The following STAG2 variants were observed in gnomAD, a reference collection of about 807,000 sequenced individuals.
The protein encoded by STAG2 is cohesin subunit SA-2.
STAG2 carries 14 observed loss-of-function variants against 108.1 expected under a neutral mutation model. That is an observed-to-expected ratio of 0.13 (90% CI 0.09 to 0.20). The LOEUF is 0.20. Among genes scored for constraint, STAG2 ranks in the 10% least tolerant of loss-of-function variants. The pLI, the probability that STAG2 is intolerant of heterozygous loss-of-function variation, is 1.00. For missense variants in STAG2, 440 were observed against 940.9 expected (o/e 0.47, Z 6.96); for synonymous variants, 307 against 302.7 (o/e 1.01, Z -0.15).
In STAG2 at chrX:124,071,246, C is replaced by G. The variant is rs1394120988; in HGVS notation, c.2456C>G (p.Ser819Cys). ...MLEPLVYTPD[S>C]SLQSELLSFI... is the part of the protein sequence containing the mutation. ...GAGCCATTAGTGTATACCCCTGATT[C>G]TTCATTGCAGTCTGAGTTGCTCAGC... Residue 819 changes from serine to cysteine, a missense_variant, in exon 25 of 35, where the codon TCT becomes TGT. Around this residue, in one of 3 missense-constraint regions of STAG2, gnomAD observed 337 missense variants for 649.3 expected, o/e 0.52. Transcript: ENST00000371145. 1 of 1,202,576 alleles carries G rather than the reference C, an allele frequency of 8.3e-7. No homozygotes were observed. The highest frequency in any genetic ancestry group is 1.1e-6 in the Non-Finnish European group (1 of 892,250).
Position 124,045,090 on chromosome X carries a change from G to A in STAG2, c.463-74G>A. 4 of 881,951 alleles carry A rather than the reference G, an allele frequency of 4.5e-6. No individual in the cohort carries two copies. In the South Asian group the frequency reaches 8.5e-5, roughly 19 times the overall value. 72.7% of individuals were successfully genotyped at this position (881,951 alleles called of 1,213,427 possible). ...AGATACCTTTTCATGCTTTTGTCTA[G>A]GGTATTTCAAAAGCAAGTGATATGT... On this transcript the variant is annotated intron_variant, in intron 7 of 34. Coordinates refer to ENST00000371145, the MANE Select transcript of STAG2 (RefSeq NM_001042750.2).
chrX:124,065,052 T>G (rs1018467719), intron 20 of STAG2, among the ~76,000 whole-genome samples: 2 of 111,861 alleles, frequency 1.8e-5, no homozygotes, highest in Non-Finnish European at 3.8e-5. Flanking sequence ...AATTACTCAT[T>G]TAACTTTTAT....
At chrX:123,981,353 T>C (rs1030999805) in intron 1 of STAG2, among the ~76,000 whole-genome samples, 2 of 109,696 alleles carry the variant, frequency 1.8e-5, no homozygotes, top group African/African-American at 6.6e-5. Flanking sequence ...GTAATCACTG[T>C]TCTTCTTTCT....
intron 6 of STAG2, among the ~76,000 whole-genome samples, chrX:124,039,586 AGTTTGTTT>A (rs200107817): frequency 2.3e-4 from 24 of 105,390 alleles, no homozygotes; most frequent in African/African-American, 7.3e-4. Context: ...GGCATGAGTG[AGTTTGTTT>A]GTTTGTTTGT....
intron 1 of STAG2, among the ~76,000 whole-genome samples, chrX:124,005,548 T>C (rs1231631944): frequency 8.9e-6 from 1 of 112,331 alleles, no homozygotes; most frequent in Non-Finnish European, 1.9e-5. Context: ...TGGAGTCATA[T>C]AAATGGAAAT....
intron 1 of STAG2, among the ~76,000 whole-genome samples, chrX:123,986,239 T>C (rs775097519): frequency 2.3e-4 from 25 of 108,386 alleles, no homozygotes; most frequent in Non-Finnish European, 3.8e-4. Flanking sequence ...TTTACAAATA[T>C]ATATGATGTT....
chrX:124,091,043 A>C (rs188013257), intron 32 of STAG2, 79 bp downstream of exon 32: 1 of 733,842 alleles, frequency 1.4e-6, no homozygotes, highest in African/African-American at 2.2e-5. Context: ...CCTTATCTAA[A>C]AATTTCAGCA....
chrX:124,058,154 CTTT>C (rs999044036), intron 15 of STAG2, among the ~76,000 whole-genome samples, 177 bp downstream of exon 15: 14 of 72,955 alleles, frequency 1.9e-4, no homozygotes, highest in Non-Finnish European at 3.4e-4. Flanking sequence ...TACTTTTCTT[CTTT>C]TTTTTTTTTT....
rs1200439552 is a variant in STAG2, at chrX:124,100,650, A to C, written c.*53A>C. 2 of 1,011,652 alleles carry C rather than the reference A, an allele frequency of 2.0e-6. No individual in the cohort carries two copies. The highest frequency in any genetic ancestry group is 3.8e-5 in the African/African-American group (2 of 52,848). The allele number at this position is 1,011,652 out of a possible 1,213,427, so 83.4% of individuals were successfully genotyped here. On this transcript the variant is annotated 3_prime_UTR_variant, in exon 35 of 35. Coordinates refer to ENST00000371145, the MANE Select transcript of STAG2 (RefSeq NM_001042750.2). ...AAGTCATTTTCTAAGTGGAAGAGGA[A>C]ATTTTAAAGTGTGGTAGATACAGTG...
intron 1 of STAG2, among the ~76,000 whole-genome samples, chrX:123,982,009 C>T (rs1251176604): frequency 9.0e-6 from 1 of 110,795 alleles, no homozygotes; most frequent in East Asian, 2.8e-4. Flanking sequence ...GGCCACCTAC[C>T]ACATGGAAAT....
At chrX:124,012,892 A>G (rs1273182296) in intron 1 of STAG2, among the ~76,000 whole-genome samples, 2 of 111,813 alleles carry the variant, frequency 1.8e-5, no homozygotes, top group African/African-American at 6.5e-5. Flanking sequence ...ACTTTTTACT[A>G]CCTTGAGTAA....
At chrX:124,089,627 C>T (rs939850979) in intron 30 of STAG2, among the ~76,000 whole-genome samples, 1 of 111,340 alleles carries the variant, frequency 9.0e-6, no homozygotes, top group African/African-American at 3.3e-5. Context: ...ACTCCCCACA[C>T]TGCCACCACA....
chrX:124,044,625 A>C (rs1055003618), intron 7 of STAG2, among the ~76,000 whole-genome samples: 3 of 111,301 alleles, frequency 2.7e-5, no homozygotes, highest in African/African-American at 9.8e-5. Flanking sequence ...GCAAAGGAAA[A>C]CCAGAGTACC....
chrX:124,084,822 A>G (rs769921810), intron 29 of STAG2, among the ~76,000 whole-genome samples: 1 of 112,641 alleles, frequency 8.9e-6, no homozygotes, highest in East Asian at 2.8e-4. Flanking sequence ...AAGAAGTCTG[A>G]TAGTGTCAAG....
At chrX:124,072,244 A>G (rs376464013) in intron 25 of STAG2, among the ~76,000 whole-genome samples, 6 of 111,433 alleles carry the variant, frequency 5.4e-5, no homozygotes, top group African/African-American at 2.0e-4. Context: ...GTCTCAAGTG[A>G]TCTTCTTGCC....
intron 1 of STAG2, among the ~76,000 whole-genome samples, chrX:123,982,438 G>C (rs190048157): frequency 1.6e-3 from 181 of 111,711 alleles, no homozygotes; most frequent in African/African-American, 5.7e-3. Flanking sequence ...ATCGTGGCAC[G>C]ATCTTGGCTC....
At chrX:124,051,513 C>A in intron 13 of STAG2, 119 bp downstream of exon 13, 2 of 428,682 alleles carry the variant, frequency 4.7e-6, no homozygotes, top group Non-Finnish European at 7.7e-6. Flanking sequence ...TGGAGGTTTA[C>A]AGCTAGAAGT....
At chrX:124,036,217 T>G (rs2057511847) in intron 5 of STAG2, among the ~76,000 whole-genome samples, 1 of 112,305 alleles carries the variant, frequency 8.9e-6, no homozygotes, top group African/African-American at 3.2e-5. Context: ...TTTTGTACAT[T>G]AGATTCTACA....
chrX:124,016,456 T>G (rs1017215339), intron 1 of STAG2, among the ~76,000 whole-genome samples: 1 of 112,384 alleles, frequency 8.9e-6, no homozygotes, highest in Non-Finnish European at 1.9e-5. Flanking sequence ...TTGTTGTTAT[T>G]ATGTCTGTTT....
Sources: allele counts gnomAD v4.1 joint callset (sites outside exome capture counted in the v4.1 genomes callset), GRCh38; gene constraint gnomAD v4.1.1; regional missense constraint gnomAD v4.1.1; transcripts MANE v1.5; gene names NCBI Gene and HGNC (gene_info 2026-07-23, HGNC 2026-07-21).